DTHD1: variants seen among roughly 807,000 people sequenced by gnomAD.
DTHD1 encodes death domain containing 1.
Under a neutral mutation model 74.8 loss-of-function variants are expected in DTHD1, and 59 were observed. The observed-to-expected ratio is 0.79, with a 90% confidence interval of 0.64 to 0.98. The LOEUF (loss-of-function observed/expected upper bound fraction) is 0.98. Among genes scored for constraint, DTHD1 ranks in the 50% least tolerant of loss-of-function variants. The pLI, the probability that DTHD1 is intolerant of heterozygous loss-of-function variation, is 0.00. For missense variants in DTHD1, 1,051 were observed against 1,065.4 expected (o/e 0.99, Z 0.19); for synonymous variants, 365 against 371.1 (o/e 0.98, Z 0.19).
rs1361458380 is a variant in DTHD1 at position 36,346,606 on chromosome 4, G to A, written c.*2782G>A. ...CCCCTGAACACCCTCAGTATTGATA[G>A]ACACACCCATACCTTTGCATACCCA... On this transcript the variant is annotated 3_prime_UTR_variant, in exon 10 of 10. Transcript: ENST00000639862. 6.6e-6 allele frequency among the ~76,000 whole-genome samples: 1 copy of A among 152,020 alleles called. No individual in the cohort carries two copies. Among genetic ancestry groups the A allele is most frequent in the Non-Finnish European group, 1.5e-5 (1 of 68,024 alleles).
In DTHD1 at chr4:36,345,471, A is replaced by G. The variant is rs990375461; in HGVS notation, c.*1647A>G. ...CTAGGAATTAATTGAGTTATATTAC[A>G]AAATTAAATGTTTTAATCTCTTTCA... is the stretch of plus-strand genomic sequence containing the variant. On this transcript the variant is annotated 3_prime_UTR_variant, in exon 10 of 10. Transcript: ENST00000639862. The G allele has an allele frequency of 4.6e-5, 7 of 152,232 alleles. No homozygotes were observed. Among genetic ancestry groups the G allele is most frequent in the Non-Finnish European group, 4.4e-5 (3 of 68,044 alleles). The allele number at this position is 152,232 out of a possible 1,614,324, so 9.4% of individuals were successfully genotyped here. A position where few individuals can be genotyped will look rare whatever the true frequency, so the allele number is the denominator to read the frequency against.
At chr4:36,330,751 T>C (rs1758615225) in intron 8 of DTHD1, among the ~76,000 whole-genome samples, 1 of 152,158 alleles carries the variant, frequency 6.6e-6, no homozygotes, top group Non-Finnish European at 1.5e-5. Context: ...ATGATATAGT[T>C]ACAAGTACAT....
At chr4:36,302,567 CATA>C (rs1756839859) in intron 5 of DTHD1, among the ~76,000 whole-genome samples, 2 of 152,018 alleles carry the variant, frequency 1.3e-5, no homozygotes, top group African/African-American at 4.8e-5. Context: ...ATATTTATGA[CATA>C]ATATTAATGT....
At position 36,283,985 on chromosome 4, in the gene DTHD1, C is replaced by T. The variant is rs1194520001; in HGVS notation, c.281C>T (p.Thr94Ile). 6.5e-7 allele frequency: 1 copy of T among 1,532,366 alleles called. No homozygotes were observed. The highest frequency in any genetic ancestry group is 1.4e-5 in the African/African-American group (1 of 72,858). The allele number at this position is 1,532,366 out of a possible 1,614,324, so 94.9% of individuals were successfully genotyped here. The change falls in exon 2 of 10, where the codon ACT becomes ATT. Residue 94 changes from threonine (T) to isoleucine (I), a missense_variant. Thr to Ile is a moderately conservative substitution (Grantham distance 89). Coordinates refer to ENST00000639862, the MANE Select transcript of DTHD1 (RefSeq NM_001170700.3). ...NQCVSRKEIITFIDCLIKITE... is the reference protein window; with the variant it reads ...NQCVSRKEIIIFIDCLIKITE... ...ATGTATGTGTGTGTAGAAATCATTA[C>T]TTTCATAGACTGCCTCATAAAAATA... is the stretch of plus-strand genomic sequence containing the variant.
chr4:36,287,893 C>T (rs1055699561), intron 2 of DTHD1, among the ~76,000 whole-genome samples: 2 of 152,026 alleles, frequency 1.3e-5, no homozygotes, highest in African/African-American at 4.8e-5. Context: ...AGTCCTTTGT[C>T]GGATATATAG....
At chr4:36,306,040 C>A in intron 5 of DTHD1, 151 bp from the exon 6 acceptor site, 1 of 752,932 alleles carries the variant, frequency 1.3e-6, no homozygotes, top group Non-Finnish European at 2.1e-6. Context: ...ATAGTTTGAT[C>A]TCTGTGTTCC....
chr4:36,342,743 A>G (rs543631440), intron 9 of DTHD1, among the ~76,000 whole-genome samples: 2 of 151,928 alleles, frequency 1.3e-5, no homozygotes, highest in Non-Finnish European at 2.9e-5. Context: ...AGTACTAATA[A>G]GGAGAAATAG....
chr4:36,342,575 G>A (rs1038142671), intron 9 of DTHD1, among the ~76,000 whole-genome samples: 2 of 151,960 alleles, frequency 1.3e-5, no homozygotes, highest in Admixed American at 6.6e-5. Flanking sequence ...AACAGAGGAC[G>A]GCCCAGTGGA....
intron 8 of DTHD1, among the ~76,000 whole-genome samples, chr4:36,338,763 C>G (rs1759150981): frequency 6.6e-6 from 1 of 152,100 alleles, no homozygotes; most frequent in Admixed American, 6.6e-5. Context: ...AGGGATTTTA[C>G]AAAATACCAT....
intron 2 of DTHD1, among the ~76,000 whole-genome samples, chr4:36,289,133 T>C (rs1040547650): frequency 1.3e-5 from 2 of 152,224 alleles, no homozygotes; most frequent in African/African-American, 4.8e-5. Flanking sequence ...ATTTTAGAGC[T>C]GGACATTAAT....
chr4:36,285,590 A>C (rs1156388071), intron 2 of DTHD1, among the ~76,000 whole-genome samples: 1 of 152,154 alleles, frequency 6.6e-6, no homozygotes, highest in African/African-American at 2.4e-5. Flanking sequence ...GTCCGTATAA[A>C]ATAAGATATT....
At chr4:36,288,095 T>A (rs953034801) in intron 2 of DTHD1, among the ~76,000 whole-genome samples, 1 of 152,174 alleles carries the variant, frequency 6.6e-6, no homozygotes, top group African/African-American at 2.4e-5. Flanking sequence ...GTTATCTTTT[T>A]AAATTTATTT....
intron 1 of DTHD1, among the ~76,000 whole-genome samples, chr4:36,283,600 A>G (rs1483325931): frequency 2.0e-5 from 3 of 152,220 alleles, no homozygotes; most frequent in Admixed American, 1.3e-4. Flanking sequence ...ACTATTGTAC[A>G]TCCAGTGGTA....
chr4:36,336,341 T>A (rs1001353022), intron 8 of DTHD1, among the ~76,000 whole-genome samples: 1 of 119,856 alleles, frequency 8.3e-6, no homozygotes, highest in Non-Finnish European at 1.7e-5. Flanking sequence ...GAAAATGTAA[T>A]CGAATGGCAC....
At chr4:36,314,469 G>A (rs527670782) in intron 7 of DTHD1, among the ~76,000 whole-genome samples, 5 of 144,066 alleles carry the variant, frequency 3.5e-5, no homozygotes, top group African/African-American at 7.6e-5. Flanking sequence ...CTTCAGGAGA[G>A]TTCGAGACCA....
At chr4:36,299,546 T>C (rs909694334) in intron 5 of DTHD1, among the ~76,000 whole-genome samples, 1 of 152,218 alleles carries the variant, frequency 6.6e-6, no homozygotes, top group Non-Finnish European at 1.5e-5. Context: ...CCTGAATAAG[T>C]GGATGTATGC....
intron 8 of DTHD1, among the ~76,000 whole-genome samples, chr4:36,328,570 A>C (rs778526973): frequency 6.6e-6 from 1 of 152,192 alleles, no homozygotes; most frequent in Admixed American, 6.5e-5. Context: ...ATGAACCTAC[A>C]TGGACACACC....
At chr4:36,337,096 C>T (rs1759051375) in intron 8 of DTHD1, among the ~76,000 whole-genome samples, 1 of 152,030 alleles carries the variant, frequency 6.6e-6, no homozygotes, top group African/African-American at 2.4e-5. Context: ...GTAGCTGACC[C>T]TGAGCACCAG....
intron 8 of DTHD1, among the ~76,000 whole-genome samples, chr4:36,337,867 T>C (rs936458435): frequency 2.0e-5 from 3 of 152,180 alleles, no homozygotes; most frequent in Non-Finnish European, 4.4e-5. Flanking sequence ...TTAAAAAACG[T>C]TTTGACATAC....
Sources: allele counts gnomAD v4.1 joint callset (sites outside exome capture counted in the v4.1 genomes callset), GRCh38; gene constraint gnomAD v4.1.1; transcripts MANE v1.5; gene names NCBI Gene and HGNC (gene_info 2026-07-23, HGNC 2026-07-21).